The following PRCC variants were observed in gnomAD, a reference collection of about 807,000 sequenced individuals.
The protein encoded by PRCC is proline rich mitotic checkpoint control factor, also known as proline-rich protein PRCC.
A neutral mutation model predicts 44.0 loss-of-function variants in PRCC; 10 were observed. The ratio of observed to expected loss-of-function variants is 0.23; its 90% CI spans 0.14 to 0.39. The LOEUF is 0.39. PRCC is among the 10% of genes least tolerant of loss of function. The pLI is 1.00. For missense variants in PRCC, 573 were observed against 624.7 expected (o/e 0.92, Z 0.88); for synonymous variants, 278 against 259.5 (o/e 1.07, Z -0.69).
intron 1 of PRCC, among the ~76,000 whole-genome samples, chr1:156,780,486 A>G (rs1317534210): frequency 6.6e-6 from 1 of 151,050 alleles, no homozygotes; most frequent in African/African-American, 2.4e-5. Flanking sequence ...ACAAGGTCTT[A>G]CTCTGTCGCC....
chr1:156,769,789 A>G (rs1651559881), intron 1 of PRCC, among the ~76,000 whole-genome samples: 1 of 151,864 alleles, frequency 6.6e-6, no homozygotes, highest in Non-Finnish European at 1.5e-5. Flanking sequence ...TTTAGTAGAG[A>G]CGGGGTTTCA....
chr1:156,798,299 A>G (rs1207592653), intron 6 of PRCC, among the ~76,000 whole-genome samples: 1 of 151,842 alleles, frequency 6.6e-6, no homozygotes, highest in Admixed American at 6.6e-5. Flanking sequence ...AGCGATAGCA[A>G]CAACTTCACA....
intron 2 of PRCC, among the ~76,000 whole-genome samples, chr1:156,783,131 C>T (rs1484296072): frequency 2.6e-5 from 4 of 151,956 alleles, no homozygotes; most frequent in Non-Finnish European, 1.5e-5. Flanking sequence ...CTCAAACTCC[C>T]GACCTCAGGT....
chr1:156,774,157 CTTTTTTTTTTTTTTTTTTT>C (rs76271348), intron 1 of PRCC, among the ~76,000 whole-genome samples: 22 of 54,004 alleles, frequency 4.1e-4, no homozygotes, highest in South Asian at 1.8e-3. Context: ...TTTGAGTCAC[CTTTTTTTTTTTTTTTTTTT>C]TTTTTTTTTT....
At chr1:156,797,628 G>A (rs1372697041) in intron 6 of PRCC, among the ~76,000 whole-genome samples, 2 of 151,902 alleles carry the variant, frequency 1.3e-5, no homozygotes, top group Non-Finnish European at 2.9e-5. Flanking sequence ...AGAGTGAAAT[G>A]GTTTATCATA....
chr1:156,769,630 C>A (rs190375946), intron 1 of PRCC, among the ~76,000 whole-genome samples: 1 of 151,772 alleles, frequency 6.6e-6, no homozygotes, highest in Non-Finnish European at 1.5e-5. Flanking sequence ...GACGGAGTCT[C>A]CCTCTGTAGC....
intron 2 of PRCC, among the ~76,000 whole-genome samples, chr1:156,782,870 G>A (rs1322993286): frequency 2.6e-5 from 4 of 152,074 alleles, no homozygotes; most frequent in Non-Finnish European, 5.9e-5. Flanking sequence ...ACTAGTGTGG[G>A]CAGAGCTGGG....
intron 1 of PRCC, among the ~76,000 whole-genome samples, chr1:156,778,755 G>C (rs1322805469): frequency 6.6e-6 from 1 of 150,940 alleles, no homozygotes. Flanking sequence ...GCTAATTTTT[G>C]TATTTTTTGT....
chr1:156,785,549 GAGCTGCCCCACCCA>G (rs1652211200), intron 2 of PRCC, among the ~76,000 whole-genome samples: 1 of 151,862 alleles, frequency 6.6e-6, no homozygotes, highest in African/African-American at 2.4e-5. Flanking sequence ...AGTCCTAAGG[GAGCTGCCCCACCCA>G]AGCTGAGGCT....
At chr1:156,788,070 A>G (rs1652339770) in intron 3 of PRCC, among the ~76,000 whole-genome samples, 1 of 152,104 alleles carries the variant, frequency 6.6e-6, no homozygotes, top group South Asian at 2.1e-4. Flanking sequence ...TTCTGGCCTT[A>G]AGGGATCTGC....
At chr1:156,769,436 C>T (rs1294623128) in intron 1 of PRCC, among the ~76,000 whole-genome samples, 2 of 152,274 alleles carry the variant, frequency 1.3e-5, no homozygotes, top group Middle Eastern at 3.4e-3. Flanking sequence ...AAAAAATTCA[C>T]TGCTATAACC....
chr1:156,793,968 T>C lies in PRCC; in HGVS notation c.1180-697T>C, dbSNP rs1387725028. Among the ~76,000 whole-genome samples, 57 of 148,652 alleles carry C rather than the reference T, an allele frequency of 3.8e-4. 1 individual carries two copies. Among genetic ancestry groups the C allele is most frequent in the Middle Eastern group, 3.4e-3 (1 of 292 alleles). ...TTTCTTTCTTTCTTTTTTTTTTTTT[T>C]TTTTTGGAGACAGAGTTTCACTCTT... On this transcript the variant is annotated intron_variant, in intron 4 of 6. Coordinates refer to ENST00000271526, the MANE Select transcript of PRCC (RefSeq NM_005973.5).
chr1:156,786,701 T>G lies in PRCC; in HGVS notation c.610T>G (p.Phe204Val). The change falls in exon 3 of 7, where the codon TTC (phenylalanine) becomes GTC (valine). Residue 204 changes from phenylalanine (F) to valine (V), a missense_variant. Phe to Val is a conservative substitution (Grantham distance 50, BLOSUM62 -1). This residue lies in a region of PRCC where 118 missense variants were observed against 166.7 expected (regional missense o/e 0.71). Transcript: ENST00000271526. ...ETNRLLLPHAFSRKPSDGSPD... is the reference protein window; with the variant it reads ...ETNRLLLPHAVSRKPSDGSPD... ...TAACAGGTTGCTCCTGCCCCATGCC[T>G]TCTCCCGCAAACCCTCGGATGGCTC... 6.2e-7 allele frequency: 1 copy of G among 1,614,144 alleles called. No individual in the cohort carries two copies. Among genetic ancestry groups the G allele is most frequent in the Non-Finnish European group, 8.5e-7 (1 of 1,180,014 alleles).
In PRCC at chr1:156,767,931, C is replaced by T. The variant is rs532963956; in HGVS notation, c.160C>T (p.Pro54Ser). Residue 54 changes from proline to serine, a missense_variant, in exon 1 of 7, where the codon CCC becomes TCC. Pro to Ser is a moderately conservative substitution (Grantham distance 74). This residue lies in a region of PRCC where 245 missense variants were observed against 188.5 expected (regional missense o/e 1.30). Transcript: ENST00000271526. ...CAAGGGTCCGGCCTTGCTGCCTCCG[C>T]CCCCTCAGATGCTGGCGCCAGCCTT... ...APKGPALLPP[P>S]PQMLAPAFPP... 2.5e-6 allele frequency: 4 copies of T among 1,593,684 alleles called. No homozygotes were observed. In the East Asian group the frequency reaches 6.8e-5, roughly 27 times the overall value.
At position 156,798,268 on chromosome 1, in the gene PRCC, C is replaced by T. The variant is rs563166600; in HGVS notation, c.1389+927C>T. Among the ~76,000 whole-genome samples, 25 of 152,278 alleles carry T rather than the reference C, an allele frequency of 1.6e-4. No individual in the cohort carries two copies. In the South Asian group the frequency reaches 5.2e-3, roughly 32 times the overall value. On this transcript the variant is annotated intron_variant, in intron 6 of 6. Coordinates refer to ENST00000271526, the MANE Select transcript of PRCC (RefSeq NM_005973.5). ...TATTTTGCAAAATGTGCTGGGTTGT[C>T]ACACCTGCTGGCATAGCTGCAGCGA...
At chr1:156,791,493 A>T in intron 3 of PRCC, 1 of 583,166 alleles carries the variant, frequency 1.7e-6, no homozygotes, top group Non-Finnish European at 3.0e-6. Context: ...GATAGTGTAG[A>T]TGAGAAAAGC....
chr1:156,779,400 A>G (rs1016774184), intron 1 of PRCC, among the ~76,000 whole-genome samples: 1 of 149,482 alleles, frequency 6.7e-6, no homozygotes, highest in Non-Finnish European at 1.5e-5. Flanking sequence ...GTCTCGCTCT[A>G]TCACCCAGGC....
At chr1:156,777,524 TA>T (rs796540847) in intron 1 of PRCC, among the ~76,000 whole-genome samples, 2,122 of 145,374 alleles carry the variant, frequency 0.015, 35 homozygotes, top group African/African-American at 0.041. Context: ...CCTTACGGGT[TA>T]AAAAAAAAAA....
chr1:156,768,320 C>T (rs752727442), intron 1 of PRCC, 81 bp downstream of exon 1: 19 of 1,376,358 alleles, frequency 1.4e-5, no homozygotes, highest in Non-Finnish European at 1.8e-5. Flanking sequence ...GATTTCAGAA[C>T]TCCTTCCTAC....
Sources: gnomAD v4.1 joint callset for allele counts (sites outside exome capture counted in the v4.1 genomes callset) on GRCh38, gnomAD v4.1.1 for gene constraint, gnomAD v4.1.1 regional missense constraint, MANE v1.5 for transcripts, NCBI Gene and HGNC (gene_info 2026-07-23, HGNC 2026-07-21) for gene names.